Variants in SLC12A3 observed in about 807,000 individuals in gnomAD.
SLC12A3 encodes solute carrier family 12 member 3.
SLC12A3 carries 104 observed loss-of-function variants against 121.0 expected under a neutral mutation model. The observed-to-expected ratio is 0.86, with a 90% confidence interval of 0.73 to 1.01. The LOEUF is 1.01. SLC12A3 is among the 50% of genes least tolerant of loss of function. SLC12A3 has a pLI of 0.00. For synonymous variants in SLC12A3, 536 were observed against 533.4 expected (o/e 1.00, Z -0.07); for missense variants, 1,328 against 1,356.3 (o/e 0.98, Z 0.33).
At chr16:56,885,128 C>G (rs1220049206) in intron 14 of SLC12A3, 137 bp from the exon 15 acceptor site, 2 of 701,932 alleles carry the variant, frequency 2.8e-6, no homozygotes, top group African/African-American at 1.8e-5. Flanking sequence ...TGCAGGCTGC[C>G]CATCCCAGGT....
At chr16:56,881,214 TG>T (rs2055235857) in intron 12 of SLC12A3, among the ~76,000 whole-genome samples, 1 of 152,228 alleles carries the variant, frequency 6.6e-6, no homozygotes, top group Admixed American at 6.5e-5. Flanking sequence ...CCGTTCAGGC[TG>T]GTATCACAGT....
chr16:56,904,222 C>T lies in SLC12A3; in HGVS notation c.2857-173C>T, dbSNP rs17367381. On this transcript the variant is annotated intron_variant, in intron 24 of 25. Transcript: ENST00000563236. ...GAGGTGAGCTTGGTGCTCCATTACT[C>T]TGAGGGTCCCCTTCTTCCTGGAGAC... 21,990 of 658,742 alleles carry T rather than the reference C, an allele frequency of 0.033. 461 individuals carry two copies. Among genetic ancestry groups the T allele is most frequent in the Middle Eastern group, 0.051 (194 of 3,828 alleles). 40.8% of individuals were successfully genotyped at this position (658,742 alleles called of 1,614,324 possible). A position where few individuals can be genotyped will look rare whatever the true frequency, so the allele number is the denominator to read the frequency against.
At chr16:56,891,561 C>A (rs1394688187) in intron 19 of SLC12A3, among the ~76,000 whole-genome samples, 2 of 152,144 alleles carry the variant, frequency 1.3e-5, no homozygotes, top group Non-Finnish European at 2.9e-5. Flanking sequence ...CCAATATTTA[C>A]AGAGCAGTAA....
At chr16:56,882,897 G>A (rs904353094) in intron 13 of SLC12A3, among the ~76,000 whole-genome samples, 7 of 151,926 alleles carry the variant, frequency 4.6e-5, no homozygotes, top group East Asian at 3.9e-4. Flanking sequence ...AGCAGAGATC[G>A]CGCCATTGCA....
At chr16:56,887,210 C>CTTTT in intron 17 of SLC12A3, 117 bp downstream of exon 17, 1 of 1,076,728 alleles carries the variant, frequency 9.3e-7, no homozygotes, top group Non-Finnish European at 1.3e-6. Flanking sequence ...GGAGCCCCAA[C>CTTTT]TTTTTTTTTT....
At chr16:56,890,129 T>C (rs551423807) in intron 18 of SLC12A3, 145 bp from the exon 19 acceptor site, 9 of 713,624 alleles carry the variant, frequency 1.3e-5, no homozygotes, top group Middle Eastern at 3.5e-4. Context: ...CTGTACAGGA[T>C]ACAGATGGGG....
At chr16:56,884,500 C>A (rs2055285119) in intron 14 of SLC12A3, among the ~76,000 whole-genome samples, 1 of 152,212 alleles carries the variant, frequency 6.6e-6, no homozygotes, top group South Asian at 2.1e-4. Flanking sequence ...CTAGGGCTGT[C>A]CCCCAAGAGG....
intron 25 of SLC12A3, among the ~76,000 whole-genome samples, chr16:56,909,316 C>CAAA (rs113559082): frequency 7.6e-6 from 1 of 131,804 alleles, no homozygotes. Flanking sequence ...AAAAAGAAAG[C>CAAA]AAAAAAAAAA....
chr16:56,895,390 C>T (rs914945065), intron 22 of SLC12A3, among the ~76,000 whole-genome samples: 3 of 150,496 alleles, frequency 2.0e-5, no homozygotes, highest in African/African-American at 7.3e-5. Flanking sequence ...GATGGGGTTT[C>T]GCCATGTTGG....
intron 25 of SLC12A3, chr16:56,904,673 G>A (rs551160852): frequency 9.8e-5 from 56 of 569,000 alleles, no homozygotes; most frequent in African/African-American, 7.9e-4. Context: ...GGCAGGGGTC[G>A]AGGGCCTCAC....
rs936597326 is a variant in SLC12A3, at chr16:56,913,366, A to G, written c.3027A>G (p.Arg1009=). Residue 1009 remains arginine, a synonymous_variant, in exon 26 of 26, where the codon CGA becomes CGG. Coordinates refer to ENST00000563236, the MANE Select transcript of SLC12A3 (RefSeq NM_001126108.2). ...TCAGACCTCCAGTCATCCTGATCCG[A>G]GGAAACCAGGAAAACGTGCTCACCT... ...QDLRPPVILI[R]GNQENVLTFY... is the part of the protein sequence containing the mutation. 1 of 1,614,192 alleles carries G rather than the reference A, an allele frequency of 6.2e-7. No individual in the cohort carries two copies. The highest frequency in any genetic ancestry group is 8.5e-7 in the Non-Finnish European group (1 of 1,180,024).
chr16:56,885,829 C>A (rs61580939), intron 15 of SLC12A3, among the ~76,000 whole-genome samples: 13,121 of 152,224 alleles, frequency 0.086, 811 homozygotes, highest in East Asian at 0.23. Context: ...CCTTACACAG[C>A]CTTACAAGAA....
At chr16:56,890,213 C>T in intron 18 of SLC12A3, 61 bp from the exon 19 acceptor site, 1 of 1,329,188 alleles carries the variant, frequency 7.5e-7, no homozygotes, top group Non-Finnish European at 1.1e-6. Flanking sequence ...CTCCTGGGTG[C>T]CAGGTCACCT....
rs777834222 is a variant in SLC12A3 at position 56,878,180 on chromosome 16, C to T, written c.1180+19C>T. The T allele has an allele frequency of 1.9e-6, 3 of 1,591,414 alleles. No individual in the cohort carries two copies. Among genetic ancestry groups the T allele is most frequent in the Admixed American group, 1.7e-5 (1 of 59,976 alleles). ...ACCATTGGTAAGTGGCCGGCCCAGC[C>T]AGTCAGGAGGGGGAGGGACCTGGCC... On this transcript the variant is annotated intron_variant, in intron 9 of 25. Coordinates refer to ENST00000563236, the MANE Select transcript of SLC12A3 (RefSeq NM_001126108.2).
intron 11 of SLC12A3, 43 bp downstream of exon 11, chr16:56,879,692 C>T (rs372182201): frequency 6.8e-7 from 1 of 1,480,996 alleles, no homozygotes; most frequent in Non-Finnish European, 9.4e-7. Context: ...GGGTGGGGAG[C>T]CTGGGCTAGA....
intron 13 of SLC12A3, among the ~76,000 whole-genome samples, chr16:56,883,465 A>T (rs1317669419): frequency 6.6e-6 from 1 of 151,816 alleles, no homozygotes; most frequent in African/African-American, 2.4e-5. Flanking sequence ...TATTTTTAGT[A>T]GAGACGGGGT....
chr16:56,886,554 A>G, intron 16 of SLC12A3, 79 bp downstream of exon 16: 1 of 1,290,318 alleles, frequency 7.8e-7, no homozygotes, highest in Non-Finnish European at 1.1e-6. Context: ...GGGAGCCAAG[A>G]CAGGTGGATC....
At position 56,890,634 on chromosome 16, in the gene SLC12A3, C is replaced by T. The variant is rs137877133; in HGVS notation, c.2368+278C>T. Reference sequence around the variant, plus strand: ...CTAATATAGGCCGGACATGGTGGCTCACGCCTGTAATCCCAGCGCTTTGGG... The same window carrying T: ...CTAATATAGGCCGGACATGGTGGCTTACGCCTGTAATCCCAGCGCTTTGGG... On this transcript the variant is annotated intron_variant, in intron 19 of 25. Transcript: ENST00000563236. 9.1e-3 allele frequency among the ~76,000 whole-genome samples: 1,387 copies of T among 152,292 alleles called. 20 individuals carry two copies. The highest frequency in any genetic ancestry group is 0.031 in the African/African-American group (1,303 of 41,544).
chr16:56,895,440 C>T (rs1339796699), intron 22 of SLC12A3, among the ~76,000 whole-genome samples: 1 of 150,692 alleles, frequency 6.6e-6, no homozygotes, highest in African/African-American at 2.4e-5. Flanking sequence ...GTGATCCACC[C>T]ACCTCAGCCT....
Sources: gnomAD v4.1 joint callset for allele counts (sites outside exome capture counted in the v4.1 genomes callset) on GRCh38, gnomAD v4.1.1 for gene constraint, MANE v1.5 for transcripts, NCBI Gene and HGNC (gene_info 2026-07-23, HGNC 2026-07-21) for gene names.